Variants in SI observed in about 807,000 individuals in gnomAD.
SI encodes the protein sucrase-isomaltase.
SI carries 235 observed loss-of-function variants against 253.3 expected under a neutral mutation model. The ratio of observed to expected loss-of-function variants is 0.93; its 90% CI spans 0.83 to 1.03. SI has a LOEUF of 1.03. Ranked by LOEUF, SI falls within the 50% of genes least tolerant of loss-of-function variation. The pLI is 0.00. For synonymous variants in SI, 819 were observed against 712.0 expected, an observed-to-expected ratio of 1.15 and a Z score of -2.39; for missense variants, 2,442 against 2,211.1, an observed-to-expected ratio of 1.10 and a Z score of -2.09.
At chr3:165,070,895 G>C (rs1472872995) in intron 3 of SI, among the ~76,000 whole-genome samples, 1 of 151,960 alleles carries the variant, frequency 6.6e-6, no homozygotes, top group Non-Finnish European at 1.5e-5. Context: ...GCCTCCAAAG[G>C]CTTCACAAAA....
intron 17 of SI, among the ~76,000 whole-genome samples, chr3:165,041,787 T>A (rs1200451295): frequency 2.0e-5 from 3 of 152,054 alleles, no homozygotes; most frequent in East Asian, 1.9e-4. Context: ...ACTGAAGACC[T>A]CAACTACTGT....
chr3:164,994,175 T>C lies in SI; in HGVS notation c.4841+82A>G, dbSNP rs910873434. The stretch of plus-strand genomic sequence containing the variant: ...GAAAAACTGCCAATCTAAAATATTT[T>C]ATATTGCACTATAAGAGATCATTGG... On this transcript the variant is annotated intron_variant, in intron 41 of 47. Transcript: ENST00000264382. 5.5e-6 allele frequency: 7 copies of C among 1,263,688 alleles called. No homozygotes were observed. The East Asian group carries it at 1.4e-4, about 26-fold the overall frequency. The allele number at this position is 1,263,688 out of a possible 1,614,324, so 78.3% of individuals were successfully genotyped here.
rs540565047 is a variant in SI, at chr3:165,049,185, C to T, written c.1657G>A (p.Gly553Ser). 1.2e-6 allele frequency: 2 copies of T among 1,612,644 alleles called. No homozygotes were observed. The highest frequency in any genetic ancestry group is 1.7e-5 in the Admixed American group (1 of 59,954). ...TICMDAVQNW[G>S]KQYDVHSLYG... ...AGGCTATGAACATCATACTGTTTAC[C>T]CCAGTTCTGCACAGCATCCATGCAA... The change falls in exon 15 of 48, where the codon GGT becomes AGT. Residue 553 changes from glycine to serine, a missense_variant. Coordinates refer to ENST00000264382, the MANE Select transcript of SI (RefSeq NM_001041.4).
At chr3:165,085,718 A>T in the SI span, among the ~76,000 whole-genome samples, 1 of 152,204 alleles carries the variant, frequency 6.6e-6, no homozygotes, top group East Asian at 1.9e-4. Flanking sequence ...GTCTCAATTT[A>T]TTAAACTTTT....
intron 15 of SI, among the ~76,000 whole-genome samples, chr3:165,048,581 AT>A (rs1713254957): frequency 9.0e-6 from 1 of 111,064 alleles, no homozygotes; most frequent in African/African-American, 3.1e-5. Context: ...ATATATATAT[AT>A]ATAGAGAGAG....
chr3:165,000,698 T>G (rs749595164), intron 37 of SI, among the ~76,000 whole-genome samples: 2 of 151,436 alleles, frequency 1.3e-5, no homozygotes, highest in Non-Finnish European at 3.0e-5. Context: ...TTGACGCCAC[T>G]AAAGATATAA....
At chr3:165,054,554 C>T (rs577716181) in intron 13 of SI, among the ~76,000 whole-genome samples, 3 of 152,134 alleles carry the variant, frequency 2.0e-5, no homozygotes, top group African/African-American at 7.2e-5. Flanking sequence ...GGGGTTTCAC[C>T]ATGTTGGTCG....
chr3:165,054,424 T>C (rs147823478), intron 13 of SI, among the ~76,000 whole-genome samples: 1 of 152,118 alleles, frequency 6.6e-6, no homozygotes, highest in Admixed American at 6.6e-5. Context: ...CAGGCTAGAA[T>C]GCAGTGGCAC....
intron 45 of SI, among the ~76,000 whole-genome samples, chr3:164,985,381 C>T (rs957085369): frequency 3.3e-5 from 5 of 152,182 alleles, no homozygotes; most frequent in Admixed American, 6.5e-5. Flanking sequence ...TCAGTCATTG[C>T]GGTGATGAAG....
At chr3:165,025,637 T>TAA (rs1430061787) in intron 25 of SI, among the ~76,000 whole-genome samples, 1 of 151,120 alleles carries the variant, frequency 6.6e-6, no homozygotes, top group Non-Finnish European at 1.5e-5. Context: ...AACAGCAGAT[T>TAA]TCTCAGCAGA....
At chr3:165,009,446 T>C (rs1408863005) in intron 34 of SI, 51 bp from the exon 35 acceptor site, 1 of 946,294 alleles carries the variant, frequency 1.1e-6, no homozygotes, top group South Asian at 1.3e-5. Context: ...AGAGAGATTA[T>C]ATACATATAA....
chr3:165,038,759 G>A (rs1263356034), intron 20 of SI, among the ~76,000 whole-genome samples: 2 of 151,676 alleles, frequency 1.3e-5, no homozygotes, highest in East Asian at 3.9e-4. Flanking sequence ...ATGTAAAATA[G>A]GAAAAAGCAT....
intron 5 of SI, among the ~76,000 whole-genome samples, chr3:165,068,410 G>T (rs1173470100): frequency 2.6e-5 from 4 of 152,166 alleles, no homozygotes; most frequent in African/African-American, 4.8e-5. Context: ...GAGAGAAAAT[G>T]TATTTGTAGG....
chr3:165,053,641 T>C (rs10755123), intron 13 of SI, among the ~76,000 whole-genome samples: 88,453 of 151,856 alleles, frequency 0.58, 26,155 homozygotes, highest in East Asian at 0.81. Flanking sequence ...CTTTCTCAGA[T>C]AACCTTCTCT....
At chr3:165,053,118 A>G (rs575465501) in intron 13 of SI, among the ~76,000 whole-genome samples, 1 of 151,930 alleles carries the variant, frequency 6.6e-6, no homozygotes, top group Non-Finnish European at 1.5e-5. Context: ...TTTGGTCTTA[A>G]TTACATTAAG....
intron 44 of SI, among the ~76,000 whole-genome samples, chr3:164,987,448 C>T (rs969165626): frequency 1.3e-5 from 2 of 152,134 alleles, no homozygotes; most frequent in African/African-American, 4.8e-5. Context: ...CGGTGGCTCA[C>T]GCCTGTAATC....
chr3:164,979,851 CA>C (rs1717096435), intron 47 of SI, among the ~76,000 whole-genome samples: 1 of 151,674 alleles, frequency 6.6e-6, no homozygotes, highest in Non-Finnish European at 1.5e-5. Context: ...TTAACTCAAT[CA>C]AAAAAGATTT....
the SI span, among the ~76,000 whole-genome samples, chr3:165,085,227 A>G: frequency 6.6e-6 from 1 of 152,154 alleles, no homozygotes; most frequent in Non-Finnish European, 1.5e-5. Flanking sequence ...CTTCACACAT[A>G]AAACCTAATT....
chr3:165,010,615 G>A (rs754451625), intron 34 of SI, among the ~76,000 whole-genome samples: 1 of 152,134 alleles, frequency 6.6e-6, no homozygotes, highest in Admixed American at 6.5e-5. Context: ...AAATGGTAGT[G>A]CCAGATCTTT....
Sources: allele counts gnomAD v4.1 joint callset (sites outside exome capture counted in the v4.1 genomes callset), GRCh38; gene constraint gnomAD v4.1.1; transcripts MANE v1.5; gene names NCBI Gene and HGNC (gene_info 2026-07-23, HGNC 2026-07-21).